PTPRD: variants seen among roughly 807,000 people sequenced by gnomAD.
PTPRD encodes the protein protein tyrosine phosphatase receptor type D.
Under a neutral mutation model 214.5 loss-of-function variants are expected in PTPRD, and 34 were observed. The ratio of observed to expected loss-of-function variants is 0.16; its 90% CI spans 0.12 to 0.21. The LOEUF is 0.21. PTPRD is among the 10% of genes least tolerant of loss of function. The pLI is 1.00. For synonymous variants in PTPRD, 1,128 were observed against 845.7 expected (o/e 1.33, Z -5.79); for missense variants, 2,545 against 2,398.7 (o/e 1.06, Z -1.27).
At chr9:10,193,136 C>T (rs2099379562) in intron 3 of PTPRD, among the ~76,000 whole-genome samples, 1 of 152,068 alleles carries the variant, frequency 6.6e-6, no homozygotes, top group African/African-American at 2.4e-5. Flanking sequence ...TATCAACCCC[C>T]TTCCCCGTTA....
intron 12 of PTPRD, among the ~76,000 whole-genome samples, chr9:8,684,958 C>T (rs534225333): frequency 1.3e-5 from 2 of 152,144 alleles, no homozygotes; most frequent in Admixed American, 6.5e-5. Flanking sequence ...TTCCCCAGTC[C>T]GAGTAAATTG....
chr9:8,616,768 G>C (rs900949394), intron 14 of PTPRD, among the ~76,000 whole-genome samples: 1 of 152,124 alleles, frequency 6.6e-6, no homozygotes, highest in Non-Finnish European at 1.5e-5. Flanking sequence ...TTATTACAGA[G>C]GGGCTAGACA....
chr9:9,575,559 A>G (rs1201593932), intron 7 of PTPRD, among the ~76,000 whole-genome samples: 1 of 151,552 alleles, frequency 6.6e-6, no homozygotes, highest in East Asian at 2.0e-4. Flanking sequence ...TCTCTACTAA[A>G]AAATAGAAAT....
chr9:9,624,885 G>A lies in PTPRD; in HGVS notation c.-286-50104C>T, dbSNP rs563979982. On this transcript the variant is annotated intron_variant, in intron 7 of 45. Coordinates refer to ENST00000381196, the MANE Select transcript of PTPRD (RefSeq NM_002839.4). ...CAAATGTAGCTGCGATTAATCTGTT[G>A]GTTACCAGCAGTGTGGCCTTGGGTT... Among the ~76,000 whole-genome samples the A allele has an allele frequency of 4.6e-5, 7 of 151,258 alleles. No homozygotes were observed. The South Asian group carries it at 1.5e-3, about 32-fold the overall frequency.
chr9:8,337,976 G>C lies in PTPRD; in HGVS notation c.5379+946C>G, dbSNP rs374099433. Among the ~76,000 whole-genome samples the C allele has an allele frequency of 8.6e-5, 13 of 151,926 alleles. No individual in the cohort carries two copies. In the East Asian group the frequency reaches 2.5e-3, roughly 30 times the overall value. On this transcript the variant is annotated intron_variant, in intron 43 of 45. Coordinates refer to ENST00000381196, the MANE Select transcript of PTPRD (RefSeq NM_002839.4). ...TTCAGAATAGTTAATATAACTTTCT[G>C]GGATTAACAGGTCTGTCACCTAGGC...
At chr9:8,795,426 C>T (rs1259297055) in intron 11 of PTPRD, among the ~76,000 whole-genome samples, 1 of 152,074 alleles carries the variant, frequency 6.6e-6, no homozygotes, top group Non-Finnish European at 1.5e-5. Flanking sequence ...CCTCAGCCTC[C>T]CAAAGTGGTG....
intron 30 of PTPRD, among the ~76,000 whole-genome samples, chr9:8,476,650 A>G (rs2096771967): frequency 6.6e-6 from 1 of 151,994 alleles, no homozygotes; most frequent in Non-Finnish European, 1.5e-5. Flanking sequence ...TAATCTATAC[A>G]TTTTCTTATA....
intron 5 of PTPRD, among the ~76,000 whole-genome samples, chr9:9,838,338 C>A (rs373499402): frequency 6.6e-6 from 1 of 151,798 alleles, no homozygotes; most frequent in African/African-American, 2.4e-5. Flanking sequence ...CCTGAGGAAT[C>A]GCCACACTGA....
At chr9:9,325,578 G>A (rs997297872) in intron 9 of PTPRD, among the ~76,000 whole-genome samples, 11 of 152,024 alleles carry the variant, frequency 7.2e-5, no homozygotes, top group African/African-American at 1.4e-4. Context: ...CCTATCAGCC[G>A]AAGGAGATTT....
chr9:9,092,940 A>G (rs954555180), intron 10 of PTPRD, among the ~76,000 whole-genome samples: 1 of 152,072 alleles, frequency 6.6e-6, no homozygotes, highest in African/African-American at 2.4e-5. Context: ...TATTGACAAG[A>G]AACCTGCTGT....
intron 11 of PTPRD, among the ~76,000 whole-genome samples, chr9:8,758,708 A>C (rs2094193583): frequency 6.6e-6 from 1 of 152,204 alleles, no homozygotes; most frequent in Non-Finnish European, 1.5e-5. Context: ...TGCTACAACA[A>C]GACAAACATT....
At chr9:9,218,020 G>A (rs1376935241) in intron 9 of PTPRD, among the ~76,000 whole-genome samples, 1 of 152,086 alleles carries the variant, frequency 6.6e-6, no homozygotes, top group Non-Finnish European at 1.5e-5. Flanking sequence ...GTTTGTTTCT[G>A]AGCCCTCTGG....
intron 4 of PTPRD, among the ~76,000 whole-genome samples, chr9:9,981,433 C>T (rs183685272): frequency 6.6e-6 from 1 of 150,966 alleles, no homozygotes; most frequent in East Asian, 2.0e-4. Context: ...CGGCTCAGTG[C>T]AAGCTCCACC....
chr9:9,506,313 T>C (rs2096569292), intron 8 of PTPRD, among the ~76,000 whole-genome samples: 1 of 151,402 alleles, frequency 6.6e-6, no homozygotes, highest in African/African-American at 2.4e-5. Context: ...GTAGAAGCAG[T>C]AGAGGACCTT....
chr9:8,753,026 A>G (rs1242442017), intron 11 of PTPRD, among the ~76,000 whole-genome samples: 2 of 152,244 alleles, frequency 1.3e-5, no homozygotes, highest in Non-Finnish European at 2.9e-5. Context: ...ATACTCAGGT[A>G]GGTAACTTGG....
chr9:8,531,103 G>C (rs2075575248), intron 14 of PTPRD, among the ~76,000 whole-genome samples: 1 of 152,042 alleles, frequency 6.6e-6, no homozygotes, highest in African/African-American at 2.4e-5. Flanking sequence ...TGGCTCATTT[G>C]TGGAAGCAGT....
chr9:9,828,516 G>C (rs2053745641), intron 5 of PTPRD, among the ~76,000 whole-genome samples: 1 of 152,056 alleles, frequency 6.6e-6, no homozygotes, highest in Non-Finnish European at 1.5e-5. Flanking sequence ...TGTGGGGAGA[G>C]GGGAGGGATA....
intron 4 of PTPRD, among the ~76,000 whole-genome samples, chr9:10,013,294 C>T (rs865880132): frequency 1.3e-5 from 2 of 151,626 alleles, no homozygotes; most frequent in Admixed American, 6.6e-5. Flanking sequence ...CTAATGCTGG[C>T]GAAAGACAGT....
intron 2 of PTPRD, among the ~76,000 whole-genome samples, chr9:10,478,717 CT>C (rs1205174776): frequency 6.6e-6 from 1 of 151,352 alleles, no homozygotes; most frequent in Non-Finnish European, 1.5e-5. Flanking sequence ...TTACTATATT[CT>C]GTAATATATA....
Sources: gnomAD v4.1 joint callset for allele counts (sites outside exome capture counted in the v4.1 genomes callset) on GRCh38, gnomAD v4.1.1 for gene constraint, MANE v1.5 for transcripts, NCBI Gene and HGNC (gene_info 2026-07-23, HGNC 2026-07-21) for gene names.